PCDHA6: variants seen among roughly 807,000 people sequenced by gnomAD.
The protein encoded by PCDHA6 is protocadherin alpha-6.
Under a neutral mutation model 60.3 loss-of-function variants are expected in PCDHA6, and 55 were observed. That is an observed-to-expected ratio of 0.91 (90% CI 0.73 to 1.14). PCDHA6 has a LOEUF of 1.14. Among genes scored for constraint, PCDHA6 ranks in the 50% most tolerant of loss-of-function variants. PCDHA6 has a pLI of 0.00. For missense variants in PCDHA6, 1,327 were observed against 1,256.5 expected (o/e 1.06, Z -0.85); for synonymous variants, 652 against 557.9 (o/e 1.17, Z -2.38).
At chr5:140,912,864 T>C (rs1483499385) in intron 1 of PCDHA6, among the ~76,000 whole-genome samples, 1 of 152,212 alleles carries the variant, frequency 6.6e-6, no homozygotes, top group East Asian at 1.9e-4. Context: ...TGAAATGATA[T>C]ATGGTTTTTG....
Position 140,978,953 on chromosome 5 carries a change from G to T in PCDHA6, c.2399G>T (p.Arg800Leu), listed in dbSNP as rs781913955. The T allele has an allele frequency of 6.2e-7, 1 of 1,614,048 alleles. No individual in the cohort carries two copies. Among genetic ancestry groups the T allele is most frequent in the Admixed American group, 1.7e-5 (1 of 59,996 alleles). The change falls in exon 2 of 4, where the codon CGA becomes CTA. Residue 800 changes from arginine to leucine, a missense_variant. Physicochemically the swap from Arg to Leu is moderately radical, Grantham distance 102 (BLOSUM62 -2). Coordinates refer to ENST00000529310, the MANE Select transcript of PCDHA6 (RefSeq NM_018909.4). ...ACTCTCTTTGTGATTTTGCAGCCAC[G>T]ACAGCCCAACCCTGACTGGCGTTAC... ...DLNEDHDAKP[R>L]QPNPDWRYSA... is the part of the protein sequence containing the mutation.
chr5:140,873,821 T>C (rs562633), intron 1 of PCDHA6, among the ~76,000 whole-genome samples: 2,262 of 152,230 alleles, frequency 0.015, 53 homozygotes, highest in African/African-American at 0.052. Context: ...CCACCACTCC[T>C]GGCTAATTTT....
In PCDHA6 at chr5:140,830,166, C is replaced by A; in HGVS notation, c.2075C>A (p.Ala692Glu). ...ASVGAAGPEAALVDVNVYLII... is the reference protein window; with the variant it reads ...ASVGAAGPEAELVDVNVYLII... ...GTGGGCGCCGCGGGCCCAGAGGCGGCGCTGGTGGATGTCAACGTGTACCTG... is the reference window on the plus strand; with the variant it reads ...GTGGGCGCCGCGGGCCCAGAGGCGGAGCTGGTGGATGTCAACGTGTACCTG... The change falls in exon 1 of 4, where the codon GCG (alanine) becomes GAG (glutamate). Residue 692 changes from alanine (A) to glutamate (E), a missense_variant. Physicochemically the swap from Ala to Glu is moderately radical, Grantham distance 107. Transcript: ENST00000529310. The A allele has an allele frequency of 6.2e-7, 1 of 1,613,518 alleles. No individual in the cohort carries two copies. Among genetic ancestry groups the A allele is most frequent in the Non-Finnish European group, 8.5e-7 (1 of 1,179,894 alleles).
intron 1 of PCDHA6, among the ~76,000 whole-genome samples, chr5:140,892,769 T>C (rs1182235195): frequency 6.6e-6 from 1 of 152,210 alleles, no homozygotes; most frequent in Non-Finnish European, 1.5e-5. Context: ...TCCACTCTTC[T>C]AGCTTCTTGA....
chr5:140,875,160 C>A, intron 1 of PCDHA6: 1 of 339,568 alleles, frequency 2.9e-6, no homozygotes, highest in Non-Finnish European at 5.1e-6. Flanking sequence ...GAAAAATAAC[C>A]CAAAGTCGAA....
Position 140,883,886 on chromosome 5 carries a change from T to G in PCDHA6, c.2394+53401T>G, listed in dbSNP as rs147704126. ...GCAGTTCCAGGTGAGCGCGCGCGAC[T>G]CTGGCGTGCCGCCTCTGGGCAGCAA... On this transcript the variant is annotated intron_variant, in intron 1 of 3. Transcript: ENST00000529310. The G allele has an allele frequency of 2.5e-5, 41 of 1,613,036 alleles. No homozygotes were observed. The African/African-American group carries it at 2.7e-4, about 11-fold the overall frequency.
chr5:140,991,433 T>G (rs1441155854), intron 3 of PCDHA6, among the ~76,000 whole-genome samples: 1 of 152,194 alleles, frequency 6.6e-6, no homozygotes, highest in Non-Finnish European at 1.5e-5. Context: ...AACCATAAAC[T>G]TCATGGCTTA....
chr5:140,849,664 C>G, intron 1 of PCDHA6: 1 of 1,598,668 alleles, frequency 6.3e-7, no homozygotes, highest in Non-Finnish European at 8.6e-7. Flanking sequence ...TGCTCCCTGA[C>G]GCCCCACGTC....
In PCDHA6 at chr5:140,839,005, A is replaced by G. The variant is rs182308106; in HGVS notation, c.2394+8520A>G. On this transcript the variant is annotated intron_variant, in intron 1 of 3. Transcript: ENST00000529310. ...TGTTCCTAATATTCTAATATACTTT[A>G]GTAAATTATTTTAGGATATGTTACT... Among the ~76,000 whole-genome samples, 398 of 152,230 alleles carry G rather than the reference A, an allele frequency of 2.6e-3. 4 individuals are homozygous for G. The highest frequency in any genetic ancestry group is 9.1e-3 in the African/African-American group (377 of 41,530).
rs2150160055 is a variant in PCDHA6, at chr5:140,828,877, C to G, written c.786C>G (p.Ile262Met). 5.6e-6 allele frequency: 9 copies of G among 1,614,072 alleles called. No homozygotes were observed. Among genetic ancestry groups the G allele is most frequent in the Non-Finnish European group, 7.6e-6 (9 of 1,180,048 alleles). ...ATGCAGACAACGGAACAACAGTTATCAGACTGAATGCTTCTGATCGGGATG... is the reference window on the plus strand; with the variant it reads ...ATGCAGACAACGGAACAACAGTTATGAGACTGAATGCTTCTGATCGGGATG... ...FENADNGTTV[I>M]RLNASDRDEG... Residue 262 changes from isoleucine (I) to methionine (M), a missense_variant, in exon 1 of 4, where the codon ATC becomes ATG. By Grantham distance (10) the Ile-to-Met change is conservative (BLOSUM62 1). Coordinates refer to ENST00000529310, the MANE Select transcript of PCDHA6 (RefSeq NM_018909.4).
intron 1 of PCDHA6, among the ~76,000 whole-genome samples, chr5:140,898,476 G>A (rs1167001415): frequency 6.6e-6 from 1 of 152,072 alleles, no homozygotes; most frequent in Non-Finnish European, 1.5e-5. Flanking sequence ...TTTTTCTCAG[G>A]TTTGTCAAAG....
intron 1 of PCDHA6, among the ~76,000 whole-genome samples, chr5:140,952,338 CAAAA>C (rs55931446): frequency 9.9e-4 from 134 of 134,976 alleles, no homozygotes; most frequent in Admixed American, 2.2e-3. Context: ...AACTCCATCT[CAAAA>C]AAAAAAAAAA....
At chr5:140,929,122 G>A (rs782041922) in intron 1 of PCDHA6, 24 of 1,614,096 alleles carry the variant, frequency 1.5e-5, no homozygotes, top group Non-Finnish European at 1.8e-5. Flanking sequence ...CACCATAGAT[G>A]TCACTACAGT....
intron 1 of PCDHA6, chr5:140,850,435 T>G: frequency 1.3e-6 from 2 of 1,597,644 alleles, no homozygotes; most frequent in Middle Eastern, 1.7e-4. Flanking sequence ...CGCCAGCGCC[T>G]ACTGGTGCTG....
At chr5:140,851,542 C>T in intron 1 of PCDHA6, 1 of 907,540 alleles carries the variant, frequency 1.1e-6, no homozygotes, top group Non-Finnish European at 1.3e-6. Context: ...GTAGATAATT[C>T]AAGAAATGTT....
rs2093245729 is a variant in PCDHA6 at position 140,942,201 on chromosome 5, G to A, written c.2395-36748G>A. Among the ~76,000 whole-genome samples, 3 of 151,938 alleles carry A rather than the reference G, an allele frequency of 2.0e-5. No individual in the cohort carries two copies. The South Asian group carries it at 6.2e-4, about 32-fold the overall frequency. On this transcript the variant is annotated intron_variant, in intron 1 of 3. Coordinates refer to ENST00000529310, the MANE Select transcript of PCDHA6 (RefSeq NM_018909.4). Reference sequence around the variant, plus strand: ...GACATTTTATTTAAAATACATTTTTGAGCATAAGATATTTAAAATGTGTAG... The same window carrying A: ...GACATTTTATTTAAAATACATTTTTAAGCATAAGATATTTAAAATGTGTAG...
intron 1 of PCDHA6, chr5:140,850,145 G>T: frequency 1.3e-6 from 2 of 1,595,560 alleles, no homozygotes; most frequent in South Asian, 1.1e-5. Context: ...GCAACGTGAC[G>T]CTGCAGGTGT....
chr5:140,865,936 A>G (rs1279027190), intron 1 of PCDHA6: 2 of 152,184 alleles, frequency 1.3e-5, no homozygotes, highest in Non-Finnish European at 2.9e-5. Flanking sequence ...AAGAAACTTC[A>G]TGATTGTCTT....
chr5:140,989,253 G>A (rs886150768), intron 3 of PCDHA6, among the ~76,000 whole-genome samples: 4 of 152,194 alleles, frequency 2.6e-5, no homozygotes, highest in Non-Finnish European at 1.5e-5. Flanking sequence ...CTTGTCAAAA[G>A]GGAGATTCAA....
Sources: gnomAD v4.1 joint callset for allele counts (sites outside exome capture counted in the v4.1 genomes callset) on GRCh38, gnomAD v4.1.1 for gene constraint, MANE v1.5 for transcripts, NCBI Gene and HGNC (gene_info 2026-07-23, HGNC 2026-07-21) for gene names.